The following PHF10 variants were observed in gnomAD, a reference collection of about 807,000 sequenced individuals.
The protein encoded by PHF10 is BRG1-associated factor 45a.
Under a neutral mutation model 68.5 loss-of-function variants are expected in PHF10, and 51 were observed. The ratio of observed to expected loss-of-function variants is 0.74; its 90% CI spans 0.59 to 0.94. PHF10 has a LOEUF of 0.94. PHF10 is among the 40% of genes least tolerant of loss of function. PHF10 has a pLI of 0.00. For missense variants in PHF10, 460 were observed against 602.6 expected (o/e 0.76, Z 2.48); for synonymous variants, 204 against 203.5 (o/e 1.00, Z -0.02).
At chr6:169,714,942 C>G in intron 6 of PHF10, 100 bp from the exon 7 acceptor site, 1 of 698,480 alleles carries the variant, frequency 1.4e-6, no homozygotes, top group Non-Finnish European at 2.6e-6. Flanking sequence ...CCACTTCCCC[C>G]TCGAAAAGCT....
intron 2 of PHF10, among the ~76,000 whole-genome samples, chr6:169,719,800 A>C (rs949774263): frequency 6.6e-6 from 1 of 152,152 alleles, no homozygotes; most frequent in Non-Finnish European, 1.5e-5. Context: ...CAAAAGCACA[A>C]GCAACAAAAG....
Position 169,704,066 on chromosome 6 carries a change from A to T in PHF10, c.1434T>A (p.Cys478Ter), listed in dbSNP as rs1487986221. 4 of 1,582,778 alleles carry T rather than the reference A, an allele frequency of 2.5e-6. No individual in the cohort carries two copies. Among genetic ancestry groups the T allele is most frequent in the Non-Finnish European group, 3.4e-6 (4 of 1,171,784 alleles). Reference sequence around the variant, plus strand: ...TCCTGGGTGTTGGGGGGGCCCGCTGACAACAGTCACAAATCCAGCGACCTA... The same window carrying T: ...TCCTGGGTGTTGGGGGGGCCCGCTGTCAACAGTCACAAATCCAGCGACCTA... ...IPSGRWICDC[C>*]QRAPPTPRKV... The change falls in exon 12 of 12, where the codon TGT becomes TGA. Residue 478 changes from cysteine (C) to a stop codon, truncating the protein, a stop_gained. Transcript: ENST00000339209. LOFTEE classifies it high-confidence loss of function.
At chr6:169,712,885 C>G (rs1338666697) in intron 7 of PHF10, among the ~76,000 whole-genome samples, 2 of 152,216 alleles carry the variant, frequency 1.3e-5, no homozygotes, top group Non-Finnish European at 2.9e-5. Flanking sequence ...TTTGCTACTT[C>G]TCTGTGCTGT....
At chr6:169,713,616 A>AT (rs1788976963) in intron 7 of PHF10, among the ~76,000 whole-genome samples, 1 of 151,604 alleles carries the variant, frequency 6.6e-6, no homozygotes, top group African/African-American at 2.4e-5. Context: ...AAAAAAAAAA[A>AT]TTTGAAGAAA....
Position 169,721,019 on chromosome 6 carries a change from T to C in PHF10, c.180A>G (p.Ser60=), listed in dbSNP as rs1455205184. Residue 60 remains serine, a synonymous_variant, in exon 2 of 12, where the codon TCA becomes TCG. Coordinates refer to ENST00000339209, the MANE Select transcript of PHF10 (RefSeq NM_018288.4). The part of the protein sequence containing the change: ...SGDSSRSCET[S]SQDLGFSYYP... ...AATGACAGTACCCAAGATCTTGACT[T>C]GAAGTTTCACAACTCCTAGAACTAT... 6.5e-7 allele frequency: 1 copy of C among 1,537,456 alleles called. No individual in the cohort carries two copies. Among genetic ancestry groups the C allele is most frequent in the East Asian group, 2.4e-5 (1 of 40,838 alleles).
chr6:169,705,522 C>T, intron 10 of PHF10, 94 bp downstream of exon 10: 2 of 812,404 alleles, frequency 2.5e-6, no homozygotes, highest in Non-Finnish European at 4.3e-6. Flanking sequence ...AATTTGGTGA[C>T]TCTTTGGTTG....
intron 1 of PHF10, among the ~76,000 whole-genome samples, chr6:169,722,282 C>G (rs1789198839): frequency 6.6e-6 from 1 of 152,144 alleles, no homozygotes; most frequent in Non-Finnish European, 1.5e-5. Flanking sequence ...ATAAGCATTT[C>G]ATTAAAGAGC....
In PHF10 at chr6:169,705,218, G is replaced by A; in HGVS notation, c.1326C>T (p.Pro442=). Residue 442 remains proline, a synonymous_variant, in exon 11 of 12, where the codon CCC becomes CCT. Transcript: ENST00000339209. ...AGAACATCATTTCTTCTTCATGGTG[G>A]GGTTGTCCACATATAATGCATGTTT... ...ECKTCIICGQ[P]HHEEEMMFCD... is the part of the protein sequence containing the mutation. 6.2e-7 allele frequency: 1 copy of A among 1,613,598 alleles called. No homozygotes were observed. Among genetic ancestry groups the A allele is most frequent in the Non-Finnish European group, 8.5e-7 (1 of 1,179,652 alleles).
intron 1 of PHF10, 134 bp from the exon 2 acceptor site, chr6:169,721,245 A>C (rs1422539600): frequency 1.8e-6 from 1 of 549,878 alleles, no homozygotes; most frequent in Non-Finnish European, 3.2e-6. Context: ...AAAGGGTCCA[A>C]GAGTTTGGCA....
rs778072155 is a variant in PHF10 at position 169,712,559 on chromosome 6, T to C, written c.804-20A>G. The stretch of plus-strand genomic sequence containing the variant: ...GAGTACCTGAAGTTCAGAGAGTTTA[T>C]TTTTGGTTTCCCTTTATTATTAAAT... On this transcript the variant is annotated intron_variant, in intron 7 of 11. Transcript: ENST00000339209. The C allele has an allele frequency of 3.1e-6, 5 of 1,592,848 alleles. No individual in the cohort carries two copies. The South Asian group carries it at 3.4e-5, about 11-fold the overall frequency.
At chr6:169,706,449 ACT>A (rs1051747877) in intron 9 of PHF10, among the ~76,000 whole-genome samples, 6 of 152,050 alleles carry the variant, frequency 3.9e-5, no homozygotes, top group African/African-American at 1.4e-4. Context: ...ATACACGAAC[ACT>A]CTGAGTACTA....
Position 169,717,887 on chromosome 6 carries a change from C to T in PHF10, c.345G>A (p.Leu115=). 1 of 1,556,726 alleles carries T rather than the reference C, an allele frequency of 6.4e-7. No homozygotes were observed. Among genetic ancestry groups the T allele is most frequent in the Non-Finnish European group, 8.8e-7 (1 of 1,134,382 alleles). ...TCAGGTAGAGTTTCTCCTTGTGAGA[C>T]AAATCTCGTCGCTCTAAATCTCCAA... ...RKYPDLERRD[L]SHKEKLYLRE... Residue 115 remains leucine, a synonymous_variant, in exon 4 of 12, where the codon TTG becomes TTA. Coordinates refer to ENST00000339209, the MANE Select transcript of PHF10 (RefSeq NM_018288.4).
In PHF10 at chr6:169,724,496, T is replaced by G. The variant is rs1298100940; in HGVS notation, c.-565A>C. Among the ~76,000 whole-genome samples the G allele has an allele frequency of 7.5e-6, 1 of 133,774 alleles. No homozygotes were observed. Among genetic ancestry groups the G allele is most frequent in the Non-Finnish European group, 1.6e-5 (1 of 62,170 alleles). 87.8% of individuals were successfully genotyped at this position (133,774 alleles called of 152,430 possible). A position where few individuals can be genotyped will look rare whatever the true frequency, so the allele number is the denominator to read the frequency against. On this transcript the variant is annotated 5_prime_UTR_variant, in exon 1 of 12. Transcript: ENST00000339209. ...CCTGGCTCCCCACGGCCCGGCGTTGTACTCGGCCGCGGCTCCCCCCAGCCC... is the reference window on the plus strand; with the variant it reads ...CCTGGCTCCCCACGGCCCGGCGTTGGACTCGGCCGCGGCTCCCCCCAGCCC...
At chr6:169,706,518 A>G (rs905275750) in intron 9 of PHF10, among the ~76,000 whole-genome samples, 14 of 152,170 alleles carry the variant, frequency 9.2e-5, no homozygotes, top group South Asian at 2.1e-4. Flanking sequence ...AATTTTAGAC[A>G]TATTTGGTTA....
intron 4 of PHF10, among the ~76,000 whole-genome samples, chr6:169,716,735 T>C (rs1199904419): frequency 6.6e-6 from 1 of 152,156 alleles, no homozygotes; most frequent in African/African-American, 2.4e-5. Context: ...AGAGATGTGG[T>C]CTCGCCATCT....
chr6:169,716,903 A>C (rs2128330665), intron 4 of PHF10, among the ~76,000 whole-genome samples: 1 of 152,306 alleles, frequency 6.6e-6, no homozygotes, highest in African/African-American at 2.4e-5. Context: ...AACTTAAAAA[A>C]ATATATTGTA....
intron 2 of PHF10, among the ~76,000 whole-genome samples, chr6:169,720,173 G>A (rs1249431722): frequency 2.0e-5 from 3 of 152,124 alleles, no homozygotes; most frequent in African/African-American, 7.2e-5. Flanking sequence ...ACAAATTGGT[G>A]AGAAATATGA....
rs201551296 is a variant in PHF10, at chr6:169,714,817, T to C, written c.719A>G (p.Tyr240Cys). The change falls in exon 7 of 12, where the codon TAC becomes TGC. Residue 240 changes from tyrosine (Y) to cysteine (C), a missense_variant. Around this residue, in one of 3 missense-constraint regions of PHF10, gnomAD observed 256 missense variants for 410.5 expected, o/e 0.62. Transcript: ENST00000339209. ...TGTTCGCTCTGTTGGCAAAACTTTG[T>C]ACTTCCCTTGAGGTACCTGGATAAC... ...THVIQVPQGK[Y>C]KVLPTERTKV... The C allele has an allele frequency of 6.3e-7, 1 of 1,593,638 alleles. No individual in the cohort carries two copies. Among genetic ancestry groups the C allele is most frequent in the Non-Finnish European group, 8.6e-7 (1 of 1,161,422 alleles).
At chr6:169,706,723 TACATACACACACAC>T (rs1371903919) in intron 9 of PHF10, among the ~76,000 whole-genome samples, 215 of 72,536 alleles carry the variant, frequency 3.0e-3, no homozygotes, top group African/African-American at 7.3e-3. Context: ...CATACATACA[TACATACACACACAC>T]ACACACACAC....
Sources: allele counts gnomAD v4.1 joint callset (sites outside exome capture counted in the v4.1 genomes callset), GRCh38; gene constraint gnomAD v4.1.1; regional missense constraint gnomAD v4.1.1; transcripts MANE v1.5; gene names NCBI Gene and HGNC (gene_info 2026-07-23, HGNC 2026-07-21).